NLGN4X: variants seen among roughly 807,000 people sequenced by gnomAD.
NLGN4X encodes the protein neuroligin-4, X-linked.
In NLGN4X, 3 loss-of-function variants were observed where a neutral mutation model predicts 40.3. That is an observed-to-expected ratio of 0.07 (90% confidence interval 0.03 to 0.19). NLGN4X has a LOEUF of 0.19. NLGN4X is among the 10% of genes least tolerant of loss of function. The pLI is 1.00. For missense variants in NLGN4X, 382 were observed against 708.3 expected, an observed-to-expected ratio of 0.54 and a Z score of 5.23; for synonymous variants, 270 against 306.8, an observed-to-expected ratio of 0.88 and a Z score of 1.25.
chrX:6,012,703 T>C (rs935296160), intron 3 of NLGN4X, among the ~76,000 whole-genome samples: 2 of 111,215 alleles, frequency 1.8e-5, no homozygotes, highest in African/African-American at 3.3e-5. Context: ...ATGACTGGTA[T>C]CTTTATAAGA....
At chrX:6,085,316 A>T (rs1394058064) in intron 2 of NLGN4X, among the ~76,000 whole-genome samples, 1 of 111,649 alleles carries the variant, frequency 9.0e-6, no homozygotes, top group Non-Finnish European at 1.9e-5. Context: ...TATTCAGAGT[A>T]GAATACGGAC....
intron 3 of NLGN4X, among the ~76,000 whole-genome samples, chrX:5,981,361 T>C (rs1432965477): frequency 1.8e-5 from 2 of 109,424 alleles, no homozygotes; most frequent in Admixed American, 1.0e-4. Context: ...CAATGGAAAT[T>C]TGATAAAGTT....
chrX:5,997,140 G>A (rs957598588), intron 3 of NLGN4X, among the ~76,000 whole-genome samples: 7 of 108,574 alleles, frequency 6.4e-5, no homozygotes, highest in Middle Eastern at 9.8e-3. Flanking sequence ...GGGTGGGGTT[G>A]GAGGAGGTTA....
chrX:6,154,338 G>A (rs754748103), intron 1 of NLGN4X, among the ~76,000 whole-genome samples: 1 of 111,630 alleles, frequency 9.0e-6, no homozygotes, highest in Admixed American at 9.5e-5. Context: ...TGTCGTGTAT[G>A]TGTGTGTGTG....
intron 3 of NLGN4X, among the ~76,000 whole-genome samples, chrX:5,917,353 G>A (rs192596688): frequency 1.3e-3 from 152 of 112,627 alleles, no homozygotes; most frequent in African/African-American, 4.6e-3. Flanking sequence ...TTCCAAAAGT[G>A]TCCTGTGTGA....
At chrX:6,095,241 G>C (rs1310820726) in intron 2 of NLGN4X, among the ~76,000 whole-genome samples, 1 of 109,185 alleles carries the variant, frequency 9.2e-6, no homozygotes, top group African/African-American at 3.3e-5. Context: ...TTTAATGATT[G>C]CATTGACTCT....
At chrX:6,096,705 A>T (rs2038785378) in intron 2 of NLGN4X, among the ~76,000 whole-genome samples, 1 of 111,932 alleles carries the variant, frequency 8.9e-6, no homozygotes, top group South Asian at 3.7e-4. Context: ...TCTCATCTGG[A>T]GGCCAACATT....
intron 3 of NLGN4X, among the ~76,000 whole-genome samples, chrX:6,026,474 T>C (rs2147209349): frequency 8.9e-6 from 1 of 111,980 alleles, no homozygotes; most frequent in East Asian, 2.8e-4. Context: ...TTAAAAACAT[T>C]TTTTCAAGAC....
At chrX:6,082,723 G>A (rs2038380514) in intron 2 of NLGN4X, among the ~76,000 whole-genome samples, 1 of 109,896 alleles carries the variant, frequency 9.1e-6, no homozygotes, top group African/African-American at 3.3e-5. Context: ...GGAAGTCATC[G>A]AGATACAACT....
chrX:6,214,848 G>A (rs1263632521), intron 1 of NLGN4X, among the ~76,000 whole-genome samples: 1 of 112,042 alleles, frequency 8.9e-6, no homozygotes, highest in African/African-American at 3.2e-5. Context: ...GACACAGCAA[G>A]GTGCATTAAA....
At chrX:6,032,198 G>A (rs1287617485) in intron 2 of NLGN4X, among the ~76,000 whole-genome samples, 1 of 88,659 alleles carries the variant, frequency 1.1e-5, no homozygotes, top group Non-Finnish European at 2.1e-5. Flanking sequence ...CAATATGTTT[G>A]TGAAGAAAAA....
chrX:6,145,626 G>A (rs2040029646), intron 2 of NLGN4X, among the ~76,000 whole-genome samples: 1 of 112,227 alleles, frequency 8.9e-6, no homozygotes, highest in Admixed American at 9.5e-5. Flanking sequence ...AGCTATTCAA[G>A]GATGAAAACC....
intron 1 of NLGN4X, among the ~76,000 whole-genome samples, chrX:6,202,640 C>T (rs1166420817): frequency 9.0e-6 from 1 of 111,150 alleles, no homozygotes; most frequent in Non-Finnish European, 1.9e-5. Flanking sequence ...CCTCTGAAAA[C>T]GTCTTGATAA....
intron 1 of NLGN4X, among the ~76,000 whole-genome samples, chrX:6,220,943 G>T (rs1925621583): frequency 9.1e-6 from 1 of 109,470 alleles, no homozygotes; most frequent in African/African-American, 3.3e-5. Context: ...TCGCCATGTT[G>T]GCCAGGCTAG....
chrX:6,224,977 CATATATAT>C (rs34139921), intron 1 of NLGN4X, among the ~76,000 whole-genome samples: 663 of 52,287 alleles, frequency 0.013, 11 homozygotes, highest in Middle Eastern at 0.028. Context: ...TTAAAATGGC[CATATATAT>C]ATATATATAT....
At chrX:5,968,438 CCT>C (rs758256758) in intron 3 of NLGN4X, among the ~76,000 whole-genome samples, 16 of 15,087 alleles carry the variant, frequency 1.1e-3, no homozygotes, top group African/African-American at 4.3e-3. Context: ...TGTAAGTACC[CCT>C]CTCTCTCTCT....
At chrX:5,999,910 T>G (rs1381255939) in intron 3 of NLGN4X, among the ~76,000 whole-genome samples, 1 of 112,269 alleles carries the variant, frequency 8.9e-6, no homozygotes, top group Non-Finnish European at 1.9e-5. Flanking sequence ...TCCGCAAAAA[T>G]TAACCTAAGC....
chrX:6,014,603 A>G (rs1284897477), intron 3 of NLGN4X, among the ~76,000 whole-genome samples: 3 of 111,938 alleles, frequency 2.7e-5, no homozygotes, highest in Non-Finnish European at 3.8e-5. Flanking sequence ...CAAAATCAAA[A>G]TTCAAAATTT....
chrX:6,124,134 A>T (rs969371581), intron 2 of NLGN4X, among the ~76,000 whole-genome samples: 11 of 111,159 alleles, frequency 9.9e-5, no homozygotes, highest in African/African-American at 3.2e-4. Flanking sequence ...TCAAAAATGG[A>T]TAATAAATAC....
Sources: allele counts gnomAD v4.1 joint callset (sites outside exome capture counted in the v4.1 genomes callset), GRCh38; gene constraint gnomAD v4.1.1; transcripts MANE v1.5; gene names NCBI Gene and HGNC (gene_info 2026-07-23, HGNC 2026-07-21).